The following TRAPPC4 variants were observed in gnomAD, a reference collection of about 807,000 sequenced individuals.
The protein encoded by TRAPPC4 is TRS23 homolog.
Under a neutral mutation model 23.5 loss-of-function variants are expected in TRAPPC4, and 30 were observed. The ratio of observed to expected loss-of-function variants is 1.28; its 90% confidence interval spans 0.96 to 1.73. The LOEUF is 1.73. Ranked by LOEUF, TRAPPC4 falls within the 40% of genes most tolerant of loss-of-function variation. The pLI, the probability that TRAPPC4 is intolerant of heterozygous loss-of-function variation, is 0.00. For synonymous variants in TRAPPC4, 129 were observed against 105.3 expected (o/e 1.23, Z -1.38); for missense variants, 252 against 268.9 (o/e 0.94, Z 0.44).
chr11:119,021,578 C>G, intron 3 of TRAPPC4, 182 bp from the exon 4 acceptor site: 1 of 583,284 alleles, frequency 1.7e-6, no homozygotes. Context: ...AAAGTTACTT[C>G]ACTTCTCTGG....
chr11:119,020,381 A>C, intron 3 of TRAPPC4, 128 bp downstream of exon 3: 1 of 682,140 alleles, frequency 1.5e-6, no homozygotes, highest in Non-Finnish European at 2.6e-6. Flanking sequence ...TTGACCAAAG[A>C]CACCTTTGGT....
At chr11:119,023,086 T>TC (rs1943435655) in intron 4 of TRAPPC4, 1 of 318,786 alleles carries the variant, frequency 3.1e-6, no homozygotes, top group South Asian at 3.7e-5. Flanking sequence ...TGTCTCAGCC[T>TC]CCGGAGTAGC....
chr11:119,021,764 CAA>C lies in TRAPPC4; in HGVS notation c.460_461del (p.Lys154ValfsTer8), dbSNP rs1161494286. On this transcript the variant is annotated frameshift_variant, in exon 4 of 5. Coordinates refer to ENST00000533632, the MANE Select transcript of TRAPPC4 (RefSeq NM_016146.6). LOFTEE classifies it high-confidence loss of function. ...CCATTCTTGGTCTCTCTCCAGGGAT[CAA>C]GTTTGTGGTTCTAGCAGATCCTAGG... is the stretch of plus-strand genomic sequence containing the variant. ...LHCYQTLTGI[K>X]FVVLADPRQA... 6.8e-6 allele frequency: 11 copies of C among 1,614,056 alleles called. No homozygotes were observed. Among genetic ancestry groups the C allele is most frequent in the Non-Finnish European group, 9.3e-6 (11 of 1,179,960 alleles).
At chr11:119,022,847 G>A (rs922618425) in intron 4 of TRAPPC4, among the ~76,000 whole-genome samples, 2 of 151,638 alleles carry the variant, frequency 1.3e-5, no homozygotes, top group African/African-American at 2.4e-5. Context: ...GTTGCAGTGA[G>A]CTGAGATCGT....
chr11:119,022,542 C>T (rs987993049), intron 4 of TRAPPC4, among the ~76,000 whole-genome samples: 5 of 152,056 alleles, frequency 3.3e-5, no homozygotes, highest in South Asian at 4.1e-4. Flanking sequence ...GAACCATGCT[C>T]GTGCCACTGC....
chr11:119,019,264 C>T lies in TRAPPC4; in HGVS notation c.297C>T (p.Gly99=). The change falls in exon 2 of 5, where the codon GGC becomes GGT. Residue 99 remains glycine (G), a synonymous_variant. Transcript: ENST00000533632. ...PANYPVSIRF[G]RPRLTSNEKL... ...ATTACCCGGTGTCCATTCGATTTGG[C>T]CGGCCCCGCCTCACTTCTAATGAGA... 3.7e-6 allele frequency: 6 copies of T among 1,614,164 alleles called. No individual in the cohort carries two copies. In the South Asian group the frequency reaches 6.6e-5, roughly 18 times the overall value.
At chr11:119,020,087 C>CACTTCAGTGTCTCAA in intron 2 of TRAPPC4, 63 bp from the exon 3 acceptor site, 1 of 1,194,740 alleles carries the variant, frequency 8.4e-7, no homozygotes, top group South Asian at 1.3e-5. Context: ...CAAATAGGGA[C>CACTTCAGTGTCTCAA]ACTTCAGTGG....
chr11:119,019,982 A>G, intron 2 of TRAPPC4, 168 bp from the exon 3 acceptor site: 1 of 539,066 alleles, frequency 1.9e-6, no homozygotes, highest in South Asian at 2.6e-5. Flanking sequence ...TAAAATATTC[A>G]CAGAATTCAA....
rs1297962769 is a variant in TRAPPC4, at chr11:119,019,176, A to G, written c.209A>G (p.Asp70Gly). ...GCAGTGCTGGCCATCAATGGCATGGACGTGAATGGCAGGTACACGGCCGAC... is the reference window on the plus strand; with the variant it reads ...GCAGTGCTGGCCATCAATGGCATGGGCGTGAATGGCAGGTACACGGCCGAC... ...GHAVLAINGMDVNGRYTADGK... is the reference protein window; with the variant it reads ...GHAVLAINGMGVNGRYTADGK... The change falls in exon 2 of 5, where the codon GAC becomes GGC. Residue 70 changes from aspartate to glycine, a missense_variant. Asp to Gly is a moderately conservative substitution (Grantham distance 94). This residue lies in a region of TRAPPC4 where 222 missense variants were observed against 217.8 expected (regional missense o/e 1.02). Transcript: ENST00000533632. The G allele has an allele frequency of 6.2e-7, 1 of 1,614,136 alleles. No homozygotes were observed.
At chr11:119,022,256 T>A (rs1943381504) in intron 4 of TRAPPC4, among the ~76,000 whole-genome samples, 1 of 151,994 alleles carries the variant, frequency 6.6e-6, no homozygotes, top group African/African-American at 2.4e-5. Flanking sequence ...AGTGCTGGGA[T>A]TACAGGCGTG....
chr11:119,021,976 A>T lies in TRAPPC4; in HGVS notation c.581+90A>T, dbSNP rs781899698. 2.0e-6 allele frequency: 3 copies of T among 1,486,014 alleles called. No individual in the cohort carries two copies. In the African/African-American group the frequency reaches 4.2e-5, roughly 21 times the overall value. The allele number at this position is 1,486,014 out of a possible 1,614,324, so 92.1% of individuals were successfully genotyped here. On this transcript the variant is annotated intron_variant, in intron 4 of 4. Transcript: ENST00000533632. Reference sequence around the variant, plus strand: ...AAAGTTAGCTGAAGCATAGTAGAGTATTACTTTTTTTGTTTGTTTGTTTTT... The same window carrying T: ...AAAGTTAGCTGAAGCATAGTAGAGTTTTACTTTTTTTGTTTGTTTGTTTTT...
At chr11:119,020,395 C>G in intron 3 of TRAPPC4, 142 bp downstream of exon 3, 1 of 616,182 alleles carries the variant, frequency 1.6e-6, no homozygotes, top group South Asian at 1.8e-5. Context: ...CTTTGGTAAG[C>G]AAGAAGAGGG....
intron 4 of TRAPPC4, 72 bp downstream of exon 4, chr11:119,021,958 G>C: frequency 6.4e-7 from 1 of 1,560,174 alleles, no homozygotes; most frequent in South Asian, 1.2e-5. Flanking sequence ...TCCAAAGTTA[G>C]CTGAAGCATA....
chr11:119,023,578 C>T lies in TRAPPC4; in HGVS notation c.*179C>T, dbSNP rs1943460911. 2 of 548,212 alleles carry T rather than the reference C, an allele frequency of 3.6e-6. No homozygotes were observed. The highest frequency in any genetic ancestry group is 3.8e-5 in the African/African-American group (2 of 53,168). The allele number at this position is 548,212 out of a possible 1,614,324, so 34.0% of individuals were successfully genotyped here. A position where few individuals can be genotyped will look rare whatever the true frequency, so the allele number is the denominator to read the frequency against. ...ACTGTGCTCTTTCCTTCTGTATATA[C>T]CATGGTCTTACTTTCCAACTCTGTA... On this transcript the variant is annotated 3_prime_UTR_variant, in exon 5 of 5. Transcript: ENST00000533632.
At position 119,018,907 on chromosome 11, in the gene TRAPPC4, C is replaced by G; in HGVS notation, c.112C>G (p.Leu38Val). The change falls in exon 1 of 5, where the codon CTG becomes GTG. Residue 38 changes from leucine to valine, a missense_variant. Leu to Val is a conservative substitution (Grantham distance 32, BLOSUM62 1). Coordinates refer to ENST00000533632, the MANE Select transcript of TRAPPC4 (RefSeq NM_016146.6). Reference protein sequence around the residue: ...AEKTFSYPLDLLLKLHDERVL... With the variant: ...AEKTFSYPLDVLLKLHDERVL... ...GAAAACTTTCAGTTATCCGCTGGAT[C>G]TGCTGCTCAAGCTACACGATGAGCG... 6.2e-7 allele frequency: 1 copy of G among 1,614,068 alleles called. No homozygotes were observed. The highest frequency in any genetic ancestry group is 8.5e-7 in the Non-Finnish European group (1 of 1,180,040).
rs781941729 is a variant in TRAPPC4 at position 119,018,980 on chromosome 11, G to A, written c.175+10G>A. 1.4e-5 allele frequency: 22 copies of A among 1,609,054 alleles called. No homozygotes were observed. Among genetic ancestry groups the A allele is most frequent in the Non-Finnish European group, 1.8e-5 (21 of 1,178,424 alleles). On this transcript the variant is annotated intron_variant, in intron 1 of 4. Transcript: ENST00000533632. ...CGGGACGGCATCCGAGGTGGGCTAG[G>A]CTCGGGCCCGTGGCGGGTGCGGGGG...
rs1416880555 is a variant in TRAPPC4, at chr11:119,023,644, A to G, written c.*245A>G. ...AGGAGCTAGGTCCATAAATGTTGTA[A>G]TAAATATTCCTTTGATCTTGGTGTT... On this transcript the variant is annotated 3_prime_UTR_variant, in exon 5 of 5. Transcript: ENST00000533632. 2.8e-6 allele frequency: 1 copy of G among 360,368 alleles called. No individual in the cohort carries two copies. The highest frequency in any genetic ancestry group is 2.0e-5 in the African/African-American group (1 of 49,202). The allele number at this position is 360,368 out of a possible 1,614,324, so 22.3% of individuals were successfully genotyped here.
rs1199630507 is a variant in TRAPPC4 at position 119,021,754 on chromosome 11, C to T, written c.455-6C>T. On this transcript the variant is annotated splice_polypyrimidine_tract_variant and splice_region_variant and intron_variant, in intron 3 of 4. Transcript: ENST00000533632. ...GCTTTGGTAACCATTCTTGGTCTCTCTCCAGGGATCAAGTTTGTGGTTCTA... is the reference window on the plus strand; with the variant it reads ...GCTTTGGTAACCATTCTTGGTCTCTTTCCAGGGATCAAGTTTGTGGTTCTA... 2 of 1,614,044 alleles carry T rather than the reference C, an allele frequency of 1.2e-6. No homozygotes were observed. The highest frequency in any genetic ancestry group is 1.7e-4 in the Middle Eastern group (1 of 6,060).
rs1399039983 is a variant in TRAPPC4 at position 119,024,040 on chromosome 11, A to G, written c.*641A>G. On this transcript the variant is annotated 3_prime_UTR_variant, in exon 5 of 5. Transcript: ENST00000533632. ...CAGACTTTCTGCCTCAAAGTTTCCA[A>G]GCTAGTTACTGACAGTCTGGGTTTG... is the stretch of plus-strand genomic sequence containing the variant. The G allele has an allele frequency of 6.5e-6, 1 of 152,744 alleles. No individual in the cohort carries two copies. The highest frequency in any genetic ancestry group is 1.5e-5 in the Non-Finnish European group (1 of 68,442). 9.5% of individuals were successfully genotyped at this position (152,744 alleles called of 1,614,324 possible).
Sources: allele counts gnomAD v4.1 joint callset (sites outside exome capture counted in the v4.1 genomes callset), GRCh38; gene constraint gnomAD v4.1.1; regional missense constraint gnomAD v4.1.1; transcripts MANE v1.5; gene names NCBI Gene and HGNC (gene_info 2026-07-23, HGNC 2026-07-21).